The following RLN2 variants were observed in gnomAD, a reference collection of about 807,000 sequenced individuals.
The protein encoded by RLN2 is prorelaxin H2.
Under a neutral mutation model 7.3 loss-of-function variants are expected in RLN2, and 10 were observed. The ratio of observed to expected loss-of-function variants is 1.36; its 90% CI spans 0.84 to 2.31. RLN2 has a LOEUF of 2.31. RLN2 is among the 30% of genes most tolerant of loss of function. RLN2 has a pLI of 0.00. For synonymous variants in RLN2, 103 were observed against 82.3 expected, an observed-to-expected ratio of 1.25 and a Z score of -1.36; for missense variants, 298 against 217.6, an observed-to-expected ratio of 1.37 and a Z score of -2.32.
chr9:5,307,317 T>C (rs969261941), upstream of RLN2, among the ~76,000 whole-genome samples: 23 of 151,492 alleles, frequency 1.5e-4, 2 homozygotes, highest in African/African-American at 3.4e-4. Context: ...AGATGATAGA[T>C]AGATAGTGTG....
the RLN2 span, among the ~76,000 whole-genome samples, chr9:5,312,803 AATTTCCTTTTT>A: frequency 6.6e-6 from 1 of 151,460 alleles, no homozygotes; most frequent in Non-Finnish European, 1.5e-5. Flanking sequence ...AAATATTTTT[AATTTCCTTTTT>A]ATTTCCTTCT....
chr9:5,314,794 C>T, the RLN2 span, among the ~76,000 whole-genome samples: 3 of 151,996 alleles, frequency 2.0e-5, no homozygotes, highest in East Asian at 3.9e-4. Flanking sequence ...TTCACAGAAT[C>T]TGGGATACTT....
chr9:5,300,954 A>C (rs1170699902), intron 1 of RLN2, among the ~76,000 whole-genome samples: 3 of 152,226 alleles, frequency 2.0e-5, no homozygotes, highest in Admixed American at 6.5e-5. Flanking sequence ...AAAGAGGCAG[A>C]ATTTCCAACA....
upstream of RLN2, among the ~76,000 whole-genome samples, chr9:5,309,513 T>G (rs985510505): frequency 1.1e-4 from 16 of 152,020 alleles, no homozygotes; most frequent in Non-Finnish European, 1.8e-4. Context: ...CTACATTCCA[T>G]GCCCTGGACC....
At chr9:5,304,766 C>T (rs1816212462), upstream of RLN2, 2 of 619,592 alleles carry the variant, frequency 3.2e-6, no homozygotes, top group African/African-American at 1.9e-5. Context: ...CCAGCTCCAC[C>T]CCTTTCCCAC....
At chr9:5,327,492 G>A in the RLN2 span, among the ~76,000 whole-genome samples, 1 of 152,028 alleles carries the variant, frequency 6.6e-6, no homozygotes, top group Non-Finnish European at 1.5e-5. Context: ...TAGAACAAAA[G>A]GCAGCAGACA....
chr9:5,335,414 A>C, the RLN2 span: 9 of 1,613,636 alleles, frequency 5.6e-6, no homozygotes, highest in South Asian at 1.1e-5. Context: ...ATTGCGAATA[A>C]GTTTCTTAAA....
chr9:5,311,663 G>T, the RLN2 span: 1 of 1,347,550 alleles, frequency 7.4e-7, no homozygotes, highest in Non-Finnish European at 1.1e-6. Context: ...AGAAAATGGA[G>T]ACGCCAAAAC....
upstream of RLN2, among the ~76,000 whole-genome samples, chr9:5,307,322 A>AGT (rs1483396839): frequency 6.4e-4 from 97 of 151,610 alleles, 3 homozygotes; most frequent in African/African-American, 2.1e-3. Context: ...ATAGATAGAT[A>AGT]GTGTGTGTAT....
the RLN2 span, among the ~76,000 whole-genome samples, chr9:5,333,708 T>A: frequency 2.6e-5 from 4 of 151,586 alleles, no homozygotes; most frequent in Non-Finnish European, 5.9e-5. Flanking sequence ...CTGGCAGACA[T>A]ACAACAAAAA....
At chr9:5,316,517 C>T in the RLN2 span, among the ~76,000 whole-genome samples, 1 of 151,932 alleles carries the variant, frequency 6.6e-6, no homozygotes, top group East Asian at 1.9e-4. Flanking sequence ...GTTCAATTCC[C>T]ACTTTTATGA....
At chr9:5,307,713 T>C (rs1254315574), upstream of RLN2, among the ~76,000 whole-genome samples, 2 of 151,986 alleles carry the variant, frequency 1.3e-5, no homozygotes, top group African/African-American at 2.4e-5. Flanking sequence ...GGAATCTCCA[T>C]TTCATAGAGC....
the RLN2 span, among the ~76,000 whole-genome samples, chr9:5,318,058 G>C: frequency 1.9e-3 from 278 of 148,106 alleles, 6 homozygotes; most frequent in African/African-American, 6.7e-3. Flanking sequence ...AAATAGTAGA[G>C]ACAGGGTTTC....
chr9:5,319,345 T>C, the RLN2 span, among the ~76,000 whole-genome samples: 1 of 151,728 alleles, frequency 6.6e-6, no homozygotes, highest in African/African-American at 2.4e-5. Flanking sequence ...AACATAGCCA[T>C]TGAGAAAAGA....
upstream of RLN2, among the ~76,000 whole-genome samples, chr9:5,305,358 A>ACC (rs1369669614): frequency 1.1e-4 from 12 of 106,072 alleles, 1 homozygote; most frequent in East Asian, 1.7e-3. Context: ...TGGAGAACAT[A>ACC]CCACACACAC....
the RLN2 span, among the ~76,000 whole-genome samples, chr9:5,323,269 G>A: frequency 4.0e-5 from 6 of 151,854 alleles, no homozygotes; most frequent in South Asian, 2.1e-4. Context: ...GCATATGTGA[G>A]TAATTAAATG....
At chr9:5,335,048 CAA>C in the RLN2 span, 20 of 460,342 alleles carry the variant, frequency 4.3e-5, no homozygotes, top group Non-Finnish European at 7.2e-5. Flanking sequence ...AATAAAAAGA[CAA>C]AAAGACTTCA....
At chr9:5,321,924 C>T in the RLN2 span, among the ~76,000 whole-genome samples, 1 of 151,966 alleles carries the variant, frequency 6.6e-6, no homozygotes, top group Non-Finnish European at 1.5e-5. Context: ...TTTGAGGCAG[C>T]CCTGAGAACG....
At chr9:5,318,856 C>G in the RLN2 span, among the ~76,000 whole-genome samples, 1 of 151,822 alleles carries the variant, frequency 6.6e-6, no homozygotes, top group Admixed American at 6.6e-5. Flanking sequence ...ACTATTTTTT[C>G]TGGGTTGATT....
Sources: gnomAD v4.1 joint callset for allele counts (sites outside exome capture counted in the v4.1 genomes callset) on GRCh38, gnomAD v4.1.1 for gene constraint, MANE v1.5 for transcripts, NCBI Gene and HGNC (gene_info 2026-07-23, HGNC 2026-07-21) for gene names.